The following RRM2 variants were observed in gnomAD, a reference collection of about 807,000 sequenced individuals.
The protein encoded by RRM2 is ribonucleoside-diphosphate reductase subunit M2.
A neutral mutation model predicts 45.9 loss-of-function variants in RRM2; 6 were observed. The ratio of observed to expected loss-of-function variants is 0.13; its 90% confidence interval spans 0.07 to 0.26. The LOEUF is 0.26. Ranked by LOEUF, RRM2 falls within the 10% of genes least tolerant of loss-of-function variation. The pLI is 1.00. For synonymous variants in RRM2, 177 were observed against 173.0 expected, an observed-to-expected ratio of 1.02 and a Z score of -0.18; for missense variants, 343 against 489.5, an observed-to-expected ratio of 0.70 and a Z score of 2.82.
rs536606221 is a variant in RRM2, at chr2:10,210,783, G to A, written n.955G>A. ...ATATGTTGAACCCCTAACTCCCAAT[G>A]TGATGGTGTCAGGAGGTGGAGCCTT... On this transcript the variant is annotated non_coding_transcript_exon_variant, in exon 4 of 4. Coordinates refer to the RRM2 transcript ENST00000381786. 6.7e-4 allele frequency: 269 copies of A among 401,334 alleles called. 2 individuals are homozygous for A. Among genetic ancestry groups the A allele is most frequent in the South Asian group, 5.1e-3 (249 of 49,000 alleles). 24.9% of individuals were successfully genotyped at this position (401,334 alleles called of 1,614,324 possible). A position where few individuals can be genotyped will look rare whatever the true frequency, so the allele number is the denominator to read the frequency against.
rs372326630 is a variant in RRM2, at chr2:10,192,864, C to A, written n.483-17447C>A. On this transcript the variant is annotated intron_variant and non_coding_transcript_variant, in intron 3 of 3. Transcript: ENST00000381786. The stretch of plus-strand genomic sequence containing the variant: ...ATGGCTCAGCTTCCAACTGATGACC[C>A]CTCTCCAGAGCCAGCCTCTGTCCTC... 1.8e-4 allele frequency among the ~76,000 whole-genome samples: 28 copies of A among 152,330 alleles called. 2 individuals carry two copies. The highest frequency in any genetic ancestry group is 1.2e-3 in the Admixed American group (18 of 15,306).
intron 3 of RRM2, among the ~76,000 whole-genome samples, chr2:10,173,566 C>A (rs536351377): frequency 6.6e-6 from 1 of 152,360 alleles, no homozygotes; most frequent in South Asian, 2.1e-4. Context: ...CTCTTCCCAC[C>A]ACCCCTGGGC....
At chr2:10,149,073 C>T (rs556596452) in intron 3 of RRM2, among the ~76,000 whole-genome samples, 2 of 152,154 alleles carry the variant, frequency 1.3e-5, no homozygotes, top group Admixed American at 6.6e-5. Context: ...TCATGTTCCC[C>T]CTGAGCTCTC....
chr2:10,167,040 G>C (rs914475018), intron 3 of RRM2, among the ~76,000 whole-genome samples: 1 of 152,184 alleles, frequency 6.6e-6, no homozygotes, highest in Non-Finnish European at 1.5e-5. Flanking sequence ...TAAGAACTCT[G>C]CCTTCTGGAG....
At chr2:10,200,413 A>G (rs1307329177) in intron 3 of RRM2, among the ~76,000 whole-genome samples, 1 of 140,426 alleles carries the variant, frequency 7.1e-6, no homozygotes, top group Non-Finnish European at 1.6e-5. Context: ...CGCACAAAAT[A>G]TGAGGCCCAC....
exon 2 of RRM2, chr2:10,141,868 T>C (rs754613661): frequency 1.9e-6 from 3 of 1,562,852 alleles, no homozygotes; most frequent in Non-Finnish European, 1.7e-6. Flanking sequence ...TGGGAGACCG[T>C]GAAGTGCAAA....
chr2:10,168,872 G>A (rs1663735015), intron 3 of RRM2, among the ~76,000 whole-genome samples: 1 of 150,396 alleles, frequency 6.6e-6, no homozygotes, highest in Admixed American at 6.6e-5. Flanking sequence ...TCAGGCAGTG[G>A]CTCCCAACTC....
At chr2:10,154,487 G>A (rs1472225451) in intron 3 of RRM2, among the ~76,000 whole-genome samples, 2 of 120,164 alleles carry the variant, frequency 1.7e-5, no homozygotes, top group Admixed American at 8.9e-5. Context: ...GTGACAGAGC[G>A]AGACTCCATC....
chr2:10,165,193 C>T (rs1157172730), intron 3 of RRM2, among the ~76,000 whole-genome samples: 3 of 152,174 alleles, frequency 2.0e-5, no homozygotes, highest in South Asian at 4.1e-4. Context: ...TCAAGCAATC[C>T]GGCTGCCTCG....
At chr2:10,176,582 A>T (rs1270554498) in intron 3 of RRM2, among the ~76,000 whole-genome samples, 1 of 152,150 alleles carries the variant, frequency 6.6e-6, no homozygotes, top group East Asian at 1.9e-4. Flanking sequence ...TTTTAAAGGA[A>T]CCACCACACT....
downstream of RRM2, among the ~76,000 whole-genome samples, chr2:10,131,883 T>C (rs1227164721): frequency 6.6e-6 from 1 of 152,214 alleles, no homozygotes; most frequent in Non-Finnish European, 1.5e-5. Flanking sequence ...CTAACTGCCA[T>C]ACTGCACGTG....
At chr2:10,200,731 C>G (rs1489949213) in intron 3 of RRM2, among the ~76,000 whole-genome samples, 1 of 152,116 alleles carries the variant, frequency 6.6e-6, no homozygotes, top group South Asian at 2.1e-4. Flanking sequence ...ATATGAGGCC[C>G]GCCATCTAAG....
At chr2:10,142,574 AC>A (rs1301833064) in intron 3 of RRM2, among the ~76,000 whole-genome samples, 1 of 151,336 alleles carries the variant, frequency 6.6e-6, no homozygotes, top group Non-Finnish European at 1.5e-5. Flanking sequence ...CATGTCCCTC[AC>A]CCCATGCCCC....
chr2:10,196,442 T>TGTG (rs1340952200), intron 3 of RRM2, among the ~76,000 whole-genome samples: 1 of 152,156 alleles, frequency 6.6e-6, no homozygotes, highest in Non-Finnish European at 1.5e-5. Flanking sequence ...TGGCTGTTTC[T>TGTG]GTGGTGACCA....
intron 3 of RRM2, among the ~76,000 whole-genome samples, chr2:10,165,153 G>A (rs1329438912): frequency 1.3e-5 from 2 of 152,120 alleles, no homozygotes; most frequent in Non-Finnish European, 2.9e-5. Context: ...GTTTCACCAT[G>A]TTGCCCAGGC....
intron 3 of RRM2, among the ~76,000 whole-genome samples, chr2:10,203,186 C>T (rs1039228790): frequency 2.6e-5 from 4 of 152,204 alleles, no homozygotes; most frequent in African/African-American, 4.8e-5. Context: ...CAGCTGTTTT[C>T]GAGAGAAGCC....
At chr2:10,200,406 A>G (rs115389274) in intron 3 of RRM2, among the ~76,000 whole-genome samples, 243 of 148,972 alleles carry the variant, frequency 1.6e-3, no homozygotes, top group Middle Eastern at 0.01. Flanking sequence ...GACTGCGCGC[A>G]CAAAATATGA....
intron 3 of RRM2, among the ~76,000 whole-genome samples, chr2:10,160,322 TG>T (rs1212651822): frequency 6.6e-6 from 1 of 152,220 alleles, no homozygotes; most frequent in East Asian, 1.9e-4. Context: ...TGTGGGCCCC[TG>T]GGGAGCGGTG....
At chr2:10,150,988 T>C (rs1663301202) in intron 3 of RRM2, among the ~76,000 whole-genome samples, 1 of 151,770 alleles carries the variant, frequency 6.6e-6, no homozygotes, top group Admixed American at 6.6e-5. Flanking sequence ...TAATTTTTTG[T>C]ATTTTTAGTA....
Sources: allele counts gnomAD v4.1 joint callset (sites outside exome capture counted in the v4.1 genomes callset), GRCh38; gene constraint gnomAD v4.1.1; transcripts MANE v1.5; gene names NCBI Gene and HGNC (gene_info 2026-07-23, HGNC 2026-07-21).